CLDN10: variants seen among roughly 807,000 people sequenced by gnomAD.
CLDN10 encodes the protein claudin-10.
CLDN10 carries 15 observed loss-of-function variants against 22.9 expected under a neutral mutation model. That is an observed-to-expected ratio of 0.65 (90% confidence interval 0.44 to 1.01). The LOEUF is 1.01. Among genes scored for constraint, CLDN10 ranks in the 50% least tolerant of loss-of-function variants. The pLI is 0.00. For missense variants in CLDN10, 247 were observed against 287.8 expected, an observed-to-expected ratio of 0.86 and a Z score of 1.03; for synonymous variants, 114 against 111.4, an observed-to-expected ratio of 1.02 and a Z score of -0.15.
intron 1 of CLDN10, among the ~76,000 whole-genome samples, chr13:95,470,160 G>A (rs2042616611): frequency 6.6e-6 from 1 of 152,154 alleles, no homozygotes. Flanking sequence ...GACAACTAGT[G>A]GATTAGTGAA....
chr13:95,522,700 A>G (rs2138587432), intron 1 of CLDN10, among the ~76,000 whole-genome samples: 1 of 152,134 alleles, frequency 6.6e-6, no homozygotes, highest in Admixed American at 6.5e-5. Flanking sequence ...TGTAGTACTT[A>G]TGTCAATTTC....
intron 1 of CLDN10, among the ~76,000 whole-genome samples, chr13:95,450,762 C>T (rs1012351191): frequency 1.3e-5 from 2 of 152,196 alleles, no homozygotes; most frequent in Admixed American, 1.3e-4. Context: ...TTATCGTCTA[C>T]CTGGGCTCAG....
intron 1 of CLDN10, chr13:95,533,641 TTAC>T (rs1158472538): frequency 6.6e-6 from 1 of 152,166 alleles, no homozygotes; most frequent in Non-Finnish European, 1.5e-5. Flanking sequence ...TATTGAGCTT[TTAC>T]TATCTGCCTA....
intron 1 of CLDN10, among the ~76,000 whole-genome samples, chr13:95,556,170 T>C (rs1420156340): frequency 6.6e-6 from 1 of 152,002 alleles, no homozygotes; most frequent in Non-Finnish European, 1.5e-5. Flanking sequence ...CTCAGCCTCC[T>C]GAGTAGCTGG....
intron 1 of CLDN10, among the ~76,000 whole-genome samples, chr13:95,498,254 C>T (rs1217742520): frequency 6.6e-6 from 1 of 152,194 alleles, no homozygotes; most frequent in Non-Finnish European, 1.5e-5. Context: ...ATCCACAACG[C>T]CAAACTCCAG....
intron 3 of CLDN10, among the ~76,000 whole-genome samples, chr13:95,573,297 T>A (rs74688901): frequency 0.046 from 6,942 of 152,334 alleles, 250 homozygotes; most frequent in Middle Eastern, 0.085. Context: ...AAACAATGTT[T>A]TCCTCCATAA....
At chr13:95,454,575 G>T (rs1039923992) in intron 1 of CLDN10, among the ~76,000 whole-genome samples, 1 of 152,176 alleles carries the variant, frequency 6.6e-6, no homozygotes, top group Non-Finnish European at 1.5e-5. Context: ...TTGCAGGGCG[G>T]GAAGCAAAGT....
intron 1 of CLDN10, among the ~76,000 whole-genome samples, chr13:95,479,177 T>C (rs1053897575): frequency 5.3e-5 from 8 of 152,110 alleles, no homozygotes; most frequent in African/African-American, 1.9e-4. Flanking sequence ...GGTGAAACCG[T>C]ATCTCTACTA....
chr13:95,475,857 A>G (rs2042681385), intron 1 of CLDN10, among the ~76,000 whole-genome samples: 1 of 141,324 alleles, frequency 7.1e-6, no homozygotes, highest in Non-Finnish European at 1.5e-5. Context: ...TCTCTCCCTC[A>G]CCCTCTCTCC....
At chr13:95,526,141 G>A (rs919228630) in intron 1 of CLDN10, among the ~76,000 whole-genome samples, 6 of 151,870 alleles carry the variant, frequency 4.0e-5, no homozygotes, top group East Asian at 3.9e-4. Context: ...TGCATTCTCC[G>A]AATGTTCTTT....
intron 1 of CLDN10, among the ~76,000 whole-genome samples, chr13:95,447,833 C>G (rs936156615): frequency 6.6e-6 from 1 of 151,912 alleles, no homozygotes; most frequent in Non-Finnish European, 1.5e-5. Context: ...TCTATTCCAG[C>G]TTCAAGTCTG....
intron 1 of CLDN10, among the ~76,000 whole-genome samples, chr13:95,477,024 G>A (rs939591871): frequency 1.8e-4 from 27 of 152,232 alleles, no homozygotes; most frequent in East Asian, 1.9e-4. Flanking sequence ...AACCAGCCAC[G>A]CCTCTCCTCC....
At chr13:95,494,165 T>G (rs1176340378) in intron 1 of CLDN10, among the ~76,000 whole-genome samples, 1 of 152,162 alleles carries the variant, frequency 6.6e-6, no homozygotes, top group African/African-American at 2.4e-5. Flanking sequence ...AAAGATAGAT[T>G]CTCCACCGTT....
intron 1 of CLDN10, among the ~76,000 whole-genome samples, chr13:95,500,514 G>T (rs1041990802): frequency 6.6e-6 from 1 of 152,200 alleles, no homozygotes; most frequent in Admixed American, 6.5e-5. Flanking sequence ...GGGAGGATGG[G>T]AGAGGCCAGT....
intron 1 of CLDN10, among the ~76,000 whole-genome samples, chr13:95,508,136 T>G (rs1386974525): frequency 6.6e-6 from 1 of 152,114 alleles, no homozygotes; most frequent in African/African-American, 2.4e-5. Context: ...CATAAAATTA[T>G]GTATGTAAAG....
intron 1 of CLDN10, among the ~76,000 whole-genome samples, chr13:95,531,042 C>T (rs778948674): frequency 2.6e-5 from 4 of 152,012 alleles, no homozygotes; most frequent in Non-Finnish European, 4.4e-5. Context: ...CCTCAGTCTC[C>T]CGAGTAGCTG....
chr13:95,577,459 A>G (rs2043951070), intron 4 of CLDN10, 121 bp downstream of exon 4: 1 of 709,088 alleles, frequency 1.4e-6, no homozygotes. Context: ...CCGGAATTGG[A>G]AAAGGTTAGC....
intron 1 of CLDN10, among the ~76,000 whole-genome samples, chr13:95,477,501 G>T (rs1287771997): frequency 6.6e-6 from 1 of 152,168 alleles, no homozygotes; most frequent in Non-Finnish European, 1.5e-5. Flanking sequence ...GGACAGTGAG[G>T]GAGACATATT....
At chr13:95,471,454 T>TATATATATAAATA (rs201753710) in intron 1 of CLDN10, among the ~76,000 whole-genome samples, 1 of 81,238 alleles carries the variant, frequency 1.2e-5, no homozygotes, top group Admixed American at 1.3e-4. Flanking sequence ...TATATATATA[T>TATATATATAAATA]TTTTTTTTTT....
Sources: gnomAD v4.1 joint callset for allele counts (sites outside exome capture counted in the v4.1 genomes callset) on GRCh38, gnomAD v4.1.1 for gene constraint, MANE v1.5 for transcripts, NCBI Gene and HGNC (gene_info 2026-07-23, HGNC 2026-07-21) for gene names.